The following TBC1D22A variants were observed in gnomAD, a reference collection of about 807,000 sequenced individuals.
The protein encoded by TBC1D22A is putative GTPase activator.
In TBC1D22A, 38 loss-of-function variants were observed where a neutral mutation model predicts 60.2. That is an observed-to-expected ratio of 0.63 (90% CI 0.49 to 0.83). The LOEUF is 0.83. Among genes scored for constraint, TBC1D22A ranks in the 40% least tolerant of loss-of-function variants. The pLI is 0.00. For missense variants in TBC1D22A, 628 were observed against 701.0 expected (o/e 0.90, Z 1.18); for synonymous variants, 302 against 281.7 (o/e 1.07, Z -0.72).
At chr22:46,985,249 G>T (rs560658908) in intron 9 of TBC1D22A, among the ~76,000 whole-genome samples, 1 of 152,128 alleles carries the variant, frequency 6.6e-6, no homozygotes, top group Non-Finnish European at 1.5e-5. Flanking sequence ...GCAGTGGAGC[G>T]CTTGGTGGAG....
chr22:46,937,318 G>A (rs1164297498), intron 8 of TBC1D22A, among the ~76,000 whole-genome samples: 1 of 152,140 alleles, frequency 6.6e-6, no homozygotes, highest in Non-Finnish European at 1.5e-5. Context: ...ACATAATGAC[G>A]TTTCTGTCAA....
At chr22:46,909,438 G>C (rs2069739530) in intron 7 of TBC1D22A, among the ~76,000 whole-genome samples, 1 of 152,112 alleles carries the variant, frequency 6.6e-6, no homozygotes, top group Non-Finnish European at 1.5e-5. Flanking sequence ...TGTTCCCTGG[G>C]CTGTAGAGGA....
At chr22:46,918,607 G>T (rs1034151340) in intron 8 of TBC1D22A, among the ~76,000 whole-genome samples, 4 of 152,172 alleles carry the variant, frequency 2.6e-5, no homozygotes, top group African/African-American at 9.7e-5. Context: ...AGGAAGGAGG[G>T]AGTGGTCAGC....
intron 12 of TBC1D22A, among the ~76,000 whole-genome samples, chr22:47,124,039 A>G (rs183506284): frequency 2.0e-5 from 3 of 152,284 alleles, no homozygotes; most frequent in Admixed American, 6.5e-5. Context: ...GGCTGGGCAC[A>G]TGGCAGGTCC....
intron 4 of TBC1D22A, among the ~76,000 whole-genome samples, chr22:46,828,854 G>T (rs1264068051): frequency 6.6e-6 from 1 of 152,224 alleles, no homozygotes; most frequent in Non-Finnish European, 1.5e-5. Context: ...CCCTCACGTT[G>T]AGCGCTCATT....
At position 46,837,401 on chromosome 22, in the gene TBC1D22A, C is replaced by G. The variant is rs142908026; in HGVS notation, c.637+39781C>G. Among the ~76,000 whole-genome samples, 317 of 152,270 alleles carry G rather than the reference C, an allele frequency of 2.1e-3. 1 individual carries two copies. Among genetic ancestry groups the G allele is most frequent in the African/African-American group, 7.4e-3 (306 of 41,560 alleles). ...AACAATATGGACCAAATGGACCTAA[C>G]AAGATATAGACAGACCATTCCATCC... is the stretch of plus-strand genomic sequence containing the variant. On this transcript the variant is annotated intron_variant, in intron 4 of 12. Coordinates refer to ENST00000337137, the MANE Select transcript of TBC1D22A (RefSeq NM_014346.5).
intron 7 of TBC1D22A, among the ~76,000 whole-genome samples, chr22:46,896,697 C>A (rs1272771325): frequency 6.6e-6 from 1 of 152,080 alleles, no homozygotes; most frequent in Non-Finnish European, 1.5e-5. Context: ...CGTAGTGTTC[C>A]CTTCATATCG....
At chr22:46,868,943 G>T (rs1427370954) in intron 4 of TBC1D22A, among the ~76,000 whole-genome samples, 1 of 35,530 alleles carries the variant, frequency 2.8e-5, no homozygotes, top group Non-Finnish European at 4.7e-5. Flanking sequence ...AGGAGTAGGT[G>T]GGGGGTGCCC....
intron 4 of TBC1D22A, among the ~76,000 whole-genome samples, chr22:46,802,904 A>G (rs1177227492): frequency 6.6e-6 from 1 of 151,892 alleles, no homozygotes; most frequent in Non-Finnish European, 1.5e-5. Flanking sequence ...AGCTGGGTAG[A>G]CTGGCGAGAA....
intron 9 of TBC1D22A, among the ~76,000 whole-genome samples, chr22:46,993,923 T>C (rs1205335849): frequency 1.3e-5 from 2 of 152,212 alleles, no homozygotes; most frequent in African/African-American, 4.8e-5. Context: ...CCCTGTGTCT[T>C]AGCCTTGGCG....
chr22:46,996,877 A>G (rs776771303), intron 9 of TBC1D22A, among the ~76,000 whole-genome samples: 2 of 152,084 alleles, frequency 1.3e-5, no homozygotes, highest in Non-Finnish European at 2.9e-5. Flanking sequence ...TCTCTTCCAC[A>G]TTCCACTTGT....
intron 11 of TBC1D22A, among the ~76,000 whole-genome samples, chr22:47,057,434 A>G (rs2063431226): frequency 6.6e-6 from 1 of 152,216 alleles, no homozygotes; most frequent in Admixed American, 6.5e-5. Flanking sequence ...GGACAGTGCT[A>G]CACTTTCTTT....
chr22:47,039,935 CTTTTT>C (rs570751261), intron 11 of TBC1D22A, among the ~76,000 whole-genome samples: 8 of 77,294 alleles, frequency 1.0e-4, no homozygotes, highest in African/African-American at 5.0e-4. Context: ...GTGCCACAGC[CTTTTT>C]TTTTTTTTTT....
chr22:46,799,458 A>G lies in TBC1D22A; in HGVS notation c.637+1838A>G, dbSNP rs146568718. Among the ~76,000 whole-genome samples the G allele has an allele frequency of 6.2e-3, 938 of 152,320 alleles. 5 individuals are homozygous for G. Among genetic ancestry groups the G allele is most frequent in the Non-Finnish European group, 0.011 (731 of 68,024 alleles). ...GACATTCCCTCAGTATCATCACAGC[A>G]CAGGGGTCACAATCAGGAAATTTAA... On this transcript the variant is annotated intron_variant, in intron 4 of 12. Coordinates refer to ENST00000337137, the MANE Select transcript of TBC1D22A (RefSeq NM_014346.5).
intron 12 of TBC1D22A, among the ~76,000 whole-genome samples, chr22:47,168,604 G>C (rs1248500297): frequency 6.6e-6 from 1 of 152,142 alleles, no homozygotes. Context: ...GCTGCTGCCC[G>C]TTCTCACATG....
chr22:46,785,471 A>G (rs1410343207), intron 1 of TBC1D22A, among the ~76,000 whole-genome samples: 1 of 152,214 alleles, frequency 6.6e-6, no homozygotes, highest in Admixed American at 6.5e-5. Flanking sequence ...AATAGCCTTC[A>G]CCCATTTAAA....
At position 47,059,612 on chromosome 22, in the gene TBC1D22A, C is replaced by T. The variant is rs16996272; in HGVS notation, c.1329+22414C>T. 4.2e-3 allele frequency among the ~76,000 whole-genome samples: 638 copies of T among 152,184 alleles called. 2 individuals are homozygous for T. The highest frequency in any genetic ancestry group is 0.014 in the African/African-American group (579 of 41,520). ...ATTATTTTAAGGAATGAAGAATTAC[C>T]GATCTCCTGAAAGGCAGTTTTTTAA... On this transcript the variant is annotated intron_variant, in intron 11 of 12. Coordinates refer to ENST00000337137, the MANE Select transcript of TBC1D22A (RefSeq NM_014346.5).
At chr22:46,900,558 C>T (rs1602381293) in intron 7 of TBC1D22A, among the ~76,000 whole-genome samples, 3 of 152,326 alleles carry the variant, frequency 2.0e-5, no homozygotes, top group South Asian at 4.1e-4. Flanking sequence ...CCTCTCCCCA[C>T]CCTTGCACTT....
intron 8 of TBC1D22A, among the ~76,000 whole-genome samples, chr22:46,945,323 GATGAAA>G (rs2072465090): frequency 6.6e-6 from 1 of 152,220 alleles, no homozygotes; most frequent in Non-Finnish European, 1.5e-5. Flanking sequence ...AAACAGAGGT[GATGAAA>G]ATTAGAAGGC....
Sources: gnomAD v4.1 joint callset for allele counts (sites outside exome capture counted in the v4.1 genomes callset) on GRCh38, gnomAD v4.1.1 for gene constraint, MANE v1.5 for transcripts, NCBI Gene and HGNC (gene_info 2026-07-23, HGNC 2026-07-21) for gene names.